Variants in RFTN1 observed in about 807,000 individuals in gnomAD.
The protein encoded by RFTN1 is raftlin.
In RFTN1, 26 loss-of-function variants were observed where a neutral mutation model predicts 46.5. The ratio of observed to expected loss-of-function variants is 0.56; its 90% CI spans 0.41 to 0.78. The LOEUF is 0.78. Ranked by LOEUF, RFTN1 falls within the 30% of genes least tolerant of loss-of-function variation. RFTN1 has a pLI of 0.00. For missense variants in RFTN1, 693 were observed against 718.7 expected, an observed-to-expected ratio of 0.96 and a Z score of 0.41; for synonymous variants, 261 against 284.2, an observed-to-expected ratio of 0.92 and a Z score of 0.82.
chr3:16,366,874 C>T (rs1216949946), intron 6 of RFTN1, among the ~76,000 whole-genome samples: 1 of 121,724 alleles, frequency 8.2e-6, no homozygotes, highest in Non-Finnish European at 1.7e-5. Context: ...CGGGCAGAGC[C>T]TCCCCCAGCC....
At chr3:16,454,787 T>C in intron 2 of RFTN1, 1 of 985,398 alleles carries the variant, frequency 1.0e-6, no homozygotes, top group Non-Finnish European at 1.2e-6. Flanking sequence ...CCATCACAGT[T>C]TTCTGGCGTG....
Position 16,460,104 on chromosome 3 carries a change from G to A in RFTN1, c.146-26067C>T, listed in dbSNP as rs1356434773. On this transcript the variant is annotated intron_variant, in intron 2 of 9. Transcript: ENST00000334133. The surrounding 1 kb of genome is among the most constrained non-coding windows in gnomAD (Gnocchi z 4.8). The stretch of plus-strand genomic sequence containing the variant: ...ACAATGTGAATATTATATAAAATCA[G>A]ATAATAATGTAGTATGTAAAATATG... 6.6e-6 allele frequency among the ~76,000 whole-genome samples: 1 copy of A among 152,114 alleles called. No individual in the cohort carries two copies. Among genetic ancestry groups the A allele is most frequent in the Non-Finnish European group, 1.5e-5 (1 of 68,030 alleles).
At position 16,504,195 on chromosome 3, in the gene RFTN1, C is replaced by T. The variant is rs1424369271; in HGVS notation, c.-9+9247G>A. 1.3e-5 allele frequency among the ~76,000 whole-genome samples: 2 copies of T among 152,184 alleles called. No homozygotes were observed. Among genetic ancestry groups the T allele is most frequent in the African/African-American group, 4.8e-5 (2 of 41,426 alleles). On this transcript the variant is annotated intron_variant, in intron 1 of 9. Coordinates refer to ENST00000334133, the MANE Select transcript of RFTN1 (RefSeq NM_015150.2). The surrounding 1 kb of genome is among the most constrained non-coding windows in gnomAD (Gnocchi z 4.4). Reference sequence around the variant, plus strand: ...GTCCAAACAACTTAATACTTATTCACAGCCTAACAACAGCAGCCTTTCAGA... The same window carrying T: ...GTCCAAACAACTTAATACTTATTCATAGCCTAACAACAGCAGCCTTTCAGA...
intron 8 of RFTN1, among the ~76,000 whole-genome samples, chr3:16,326,430 A>G (rs1274366710): frequency 6.6e-6 from 1 of 152,248 alleles, no homozygotes; most frequent in East Asian, 1.9e-4. Flanking sequence ...TTTTATATAT[A>G]AAGTGCCTAC....
rs1330250175 is a variant in RFTN1 at position 16,320,167 on chromosome 3, T to G, written c.1333-2935A>C. Among the ~76,000 whole-genome samples the G allele has an allele frequency of 6.6e-6, 1 of 152,242 alleles. No homozygotes were observed. Among genetic ancestry groups the G allele is most frequent in the African/African-American group, 2.4e-5 (1 of 41,462 alleles). ...TAAAAACTGCCCATGATGTGTCCAC[T>G]TCAAGTAGTTTAGCTGGAAGGAAGT... On this transcript the variant is annotated intron_variant, in intron 9 of 9. Coordinates refer to ENST00000334133, the MANE Select transcript of RFTN1 (RefSeq NM_015150.2). The surrounding 1 kb of genome is among the most constrained non-coding windows in gnomAD (Gnocchi z 4.5).
chr3:16,406,205 T>C (rs2125441964), intron 4 of RFTN1, among the ~76,000 whole-genome samples: 1 of 152,300 alleles, frequency 6.6e-6, no homozygotes, highest in Non-Finnish European at 1.5e-5. Flanking sequence ...ACAGAGGTGG[T>C]ATTTTCTTTA....
chr3:16,466,963 G>A lies in RFTN1; in HGVS notation c.145+26762C>T, dbSNP rs1295938500. Among the ~76,000 whole-genome samples, 2 of 152,214 alleles carry A rather than the reference G, an allele frequency of 1.3e-5. No individual in the cohort carries two copies. The highest frequency in any genetic ancestry group is 2.9e-5 in the Non-Finnish European group (2 of 68,042). On this transcript the variant is annotated intron_variant, in intron 2 of 9. Coordinates refer to ENST00000334133, the MANE Select transcript of RFTN1 (RefSeq NM_015150.2). This position sits in a 1 kb window ranked among gnomAD's most constrained non-coding sequence, Gnocchi z 5.6. The stretch of plus-strand genomic sequence containing the variant: ...AGAGGAGATGGTTAGTAGGGGGATG[G>A]ATGCAAAGGCCAGATGTGGGAGAAA...
intron 4 of RFTN1, 45 bp downstream of exon 4, chr3:16,409,330 A>G: frequency 1.5e-6 from 2 of 1,308,764 alleles, no homozygotes; most frequent in Non-Finnish European, 2.2e-6. Context: ...CACTCAGGGG[A>G]ACACTCGCAA....
chr3:16,465,380 G>T lies in RFTN1; in HGVS notation c.145+28345C>A, dbSNP rs563035053. Among the ~76,000 whole-genome samples the T allele has an allele frequency of 3.4e-5, 5 of 148,670 alleles. No individual in the cohort carries two copies. In the East Asian group the frequency reaches 1.0e-3, roughly 30 times the overall value. ...TCATCAAGGCAATTCTCTGAGCACAGGAAAAAAATATCCCCAACAGAGGTT... is the reference window on the plus strand; with the variant it reads ...TCATCAAGGCAATTCTCTGAGCACATGAAAAAAATATCCCCAACAGAGGTT... On this transcript the variant is annotated intron_variant, in intron 2 of 9. Coordinates refer to ENST00000334133, the MANE Select transcript of RFTN1 (RefSeq NM_015150.2). This position sits in a 1 kb window ranked among gnomAD's most constrained non-coding sequence, Gnocchi z 5.1.
intron 2 of RFTN1, among the ~76,000 whole-genome samples, chr3:16,461,589 T>C (rs75531220): frequency 0.013 from 1,946 of 152,252 alleles, 42 homozygotes; most frequent in African/African-American, 0.044. Flanking sequence ...ATAGGGCCCT[T>C]TCAGCCAATT....
In RFTN1 at chr3:16,378,087, T is replaced by C. The variant is rs766862781; in HGVS notation, c.457A>G (p.Ser153Gly). The C allele has an allele frequency of 3.7e-6, 6 of 1,610,788 alleles. No homozygotes were observed. The highest frequency in any genetic ancestry group is 5.1e-6 in the Non-Finnish European group (6 of 1,177,146). ...EFIKKIQEAA[S>G]QGLKFVGVIP... ...ACACCAACGAATTTCAGGCCCTGGC[T>C]TGCAGCCTCCTGGATCTGTGAGGCA... Residue 153 changes from serine (S) to glycine (G), a missense_variant, in exon 5 of 10, where the codon AGC becomes GGC. By Grantham distance (56) the Ser-to-Gly change is moderately conservative. Transcript: ENST00000334133.
rs2076101659 is a variant in RFTN1, at chr3:16,466,814, C to T, written c.145+26911G>A. On this transcript the variant is annotated intron_variant, in intron 2 of 9. Coordinates refer to ENST00000334133, the MANE Select transcript of RFTN1 (RefSeq NM_015150.2). This position sits in a 1 kb window ranked among gnomAD's most constrained non-coding sequence, Gnocchi z 5.6. ...CATACACAGACACACATACGCTTCTCATAGCTGAAAACATGGAAGGCAGTC... is the reference window on the plus strand; with the variant it reads ...CATACACAGACACACATACGCTTCTTATAGCTGAAAACATGGAAGGCAGTC... Among the ~76,000 whole-genome samples the T allele has an allele frequency of 6.6e-6, 1 of 152,172 alleles. No homozygotes were observed. The highest frequency in any genetic ancestry group is 2.4e-5 in the African/African-American group (1 of 41,448).
intron 3 of RFTN1, among the ~76,000 whole-genome samples, chr3:16,430,365 G>GTC (rs1305920070): frequency 6.6e-6 from 1 of 152,130 alleles, no homozygotes; most frequent in African/African-American, 2.4e-5. Flanking sequence ...TTCTGCCTTG[G>GTC]TCTCCCAAAG....
chr3:16,490,349 G>C (rs2124986807), intron 2 of RFTN1, among the ~76,000 whole-genome samples: 1 of 152,270 alleles, frequency 6.6e-6, no homozygotes, highest in East Asian at 1.9e-4. Flanking sequence ...TAAGAGGTAG[G>C]GGCCTGTGCA....
In RFTN1 at chr3:16,449,811, C is replaced by T. The variant is rs1422292364; in HGVS notation, c.146-15774G>A. Among the ~76,000 whole-genome samples the T allele has an allele frequency of 1.3e-5, 2 of 152,192 alleles. No homozygotes were observed. Among genetic ancestry groups the T allele is most frequent in the Non-Finnish European group, 2.9e-5 (2 of 68,038 alleles). On this transcript the variant is annotated intron_variant, in intron 2 of 9. Transcript: ENST00000334133. The surrounding 1 kb of genome is among the most constrained non-coding windows in gnomAD (Gnocchi z 5.1). ...GCTGCCTCTGATTTGCACTGAACTC[C>T]ACTACAGGCTGCTGAAGTACTTGTG...
chr3:16,375,376 A>G (rs1035988254), intron 5 of RFTN1, among the ~76,000 whole-genome samples: 2 of 151,928 alleles, frequency 1.3e-5, no homozygotes, highest in African/African-American at 4.8e-5. Context: ...AAATTTAACT[A>G]TATGGGGGTA....
At position 16,377,608 on chromosome 3, in the gene RFTN1, T is replaced by C. The variant is rs981513860; in HGVS notation, c.826+110A>G. On this transcript the variant is annotated intron_variant, in intron 5 of 9. Transcript: ENST00000334133. Reference sequence around the variant, plus strand: ...GTTTCTCCTGTTTGATGGACTGCTGTCTCTACACTCTAAATTCCATTCCTT... The same window carrying C: ...GTTTCTCCTGTTTGATGGACTGCTGCCTCTACACTCTAAATTCCATTCCTT... 5 of 1,483,408 alleles carry C rather than the reference T, an allele frequency of 3.4e-6. No homozygotes were observed. The African/African-American group carries it at 7.0e-5, about 21-fold the overall frequency. 91.9% of individuals were successfully genotyped at this position (1,483,408 alleles called of 1,614,324 possible).
chr3:16,454,638 C>A (rs187240534), intron 2 of RFTN1: 1 of 381,174 alleles, frequency 2.6e-6, no homozygotes, highest in Non-Finnish European at 3.6e-6. Context: ...AGACACAAAT[C>A]TCTCCTTTCT....
chr3:16,364,926 G>C (rs1050569864), intron 6 of RFTN1, among the ~76,000 whole-genome samples: 1 of 152,196 alleles, frequency 6.6e-6, no homozygotes, highest in Non-Finnish European at 1.5e-5. Context: ...TAAGTTCTAC[G>C]TCTTGATCTC....
Sources: allele counts gnomAD v4.1 joint callset (sites outside exome capture counted in the v4.1 genomes callset), GRCh38; gene constraint gnomAD v4.1.1; non-coding constraint Gnocchi (gnomAD v3.1); transcripts MANE v1.5; gene names NCBI Gene and HGNC (gene_info 2026-07-23, HGNC 2026-07-21).